TAFA4: variants seen among roughly 807,000 people sequenced by gnomAD.
TAFA4 encodes the protein chemokine-like protein TAFA-4.
TAFA4 carries 20 observed loss-of-function variants against 21.1 expected under a neutral mutation model. That is an observed-to-expected ratio of 0.95 (90% CI 0.67 to 1.38). The LOEUF is 1.38. TAFA4 is among the 40% of genes most tolerant of loss of function. The probability of loss-of-function intolerance (pLI) is 0.00; values close to 1 mark genes in which losing one functional copy is unlikely to be tolerated. For synonymous variants in TAFA4, 71 were observed against 67.4 expected (o/e 1.05, Z -0.26); for missense variants, 211 against 180.9 (o/e 1.17, Z -0.95).
At chr3:68,807,774 A>G (rs879670838) in intron 3 of TAFA4, among the ~76,000 whole-genome samples, 7 of 152,194 alleles carry the variant, frequency 4.6e-5, no homozygotes, top group Non-Finnish European at 8.8e-5. Flanking sequence ...TAGCTGCATC[A>G]CCTACATAAG....
chr3:68,887,319 T>C (rs1267339433), intron 1 of TAFA4, among the ~76,000 whole-genome samples: 6 of 152,202 alleles, frequency 3.9e-5, no homozygotes, highest in Admixed American at 6.5e-5. Flanking sequence ...AGGAATTAGG[T>C]TGCCAATGCC....
intron 3 of TAFA4, among the ~76,000 whole-genome samples, chr3:68,877,770 A>G (rs1461212818): frequency 1.3e-5 from 2 of 152,132 alleles, no homozygotes; most frequent in Non-Finnish European, 2.9e-5. Flanking sequence ...CTCTGACCAC[A>G]TCTACCTACC....
chr3:68,842,107 T>C (rs1704679405), intron 3 of TAFA4, among the ~76,000 whole-genome samples: 4 of 152,198 alleles, frequency 2.6e-5, no homozygotes, highest in Admixed American at 2.6e-4. Flanking sequence ...TTCTAGATCC[T>C]TGAGGAATTG....
intron 2 of TAFA4, chr3:68,883,241 G>T (rs1167556147): frequency 6.6e-6 from 1 of 152,254 alleles, no homozygotes; most frequent in Non-Finnish European, 1.5e-5. Flanking sequence ...CCATTTTCTT[G>T]GGACTCTCTG....
At chr3:68,892,917 A>G (rs1417164933) in intron 1 of TAFA4, among the ~76,000 whole-genome samples, 1 of 152,208 alleles carries the variant, frequency 6.6e-6, no homozygotes, top group Non-Finnish European at 1.5e-5. Flanking sequence ...AGTTACATAA[A>G]ATAAAATGCG....
chr3:68,768,229 C>T lies in TAFA4; in HGVS notation c.131-15211G>A, dbSNP rs894448242. On this transcript the variant is annotated intron_variant, in intron 3 of 5. Transcript: ENST00000295569. ...CATACATCTGATAAGGGGTAAGATC[C>T]AGAATATATAAGAAACTCAACTCAA... 1.1e-3 allele frequency among the ~76,000 whole-genome samples: 174 copies of T among 152,062 alleles called. 2 individuals are homozygous for T. Among genetic ancestry groups the T allele is most frequent in the East Asian group, 9.7e-4 (5 of 5,162 alleles).
intron 1 of TAFA4, among the ~76,000 whole-genome samples, chr3:68,917,188 C>T (rs1220373899): frequency 2.0e-5 from 3 of 152,190 alleles, no homozygotes; most frequent in African/African-American, 4.8e-5. Flanking sequence ...TCCACCCCAA[C>T]CTCTTGGAGG....
intron 1 of TAFA4, among the ~76,000 whole-genome samples, chr3:68,910,911 TTAAG>T (rs2089955557): frequency 6.6e-6 from 1 of 152,248 alleles, no homozygotes; most frequent in African/African-American, 2.4e-5. Context: ...TGGTACTTAA[TTAAG>T]TGCTTGATAA....
chr3:68,852,892 A>G (rs970391986), intron 3 of TAFA4, among the ~76,000 whole-genome samples: 4 of 152,172 alleles, frequency 2.6e-5, no homozygotes, highest in African/African-American at 9.7e-5. Context: ...AGAAAAAGAA[A>G]ATCTACCTCA....
At chr3:68,911,442 C>T (rs559509464) in intron 1 of TAFA4, among the ~76,000 whole-genome samples, 4 of 152,348 alleles carry the variant, frequency 2.6e-5, no homozygotes, top group Non-Finnish European at 4.4e-5. Context: ...AGGTCCCATG[C>T]TAGCTCATTT....
At chr3:68,802,216 C>T (rs1322171076) in intron 3 of TAFA4, among the ~76,000 whole-genome samples, 4 of 152,146 alleles carry the variant, frequency 2.6e-5, no homozygotes, top group African/African-American at 9.7e-5. Flanking sequence ...CTCTAATTGA[C>T]ATTTTATAAA....
intron 3 of TAFA4, among the ~76,000 whole-genome samples, chr3:68,809,155 C>G (rs1226113332): frequency 6.6e-6 from 1 of 152,180 alleles, no homozygotes; most frequent in African/African-American, 2.4e-5. Flanking sequence ...CCCTTTTACC[C>G]TAGAACACAG....
At chr3:68,811,674 T>A (rs936234110) in intron 3 of TAFA4, among the ~76,000 whole-genome samples, 7 of 152,126 alleles carry the variant, frequency 4.6e-5, no homozygotes, top group African/African-American at 9.7e-5. Context: ...TGGGACTATG[T>A]GAAAAGACCA....
intron 3 of TAFA4, among the ~76,000 whole-genome samples, chr3:68,864,065 G>A (rs149080143): frequency 0.015 from 2,344 of 151,706 alleles, 60 homozygotes; most frequent in African/African-American, 0.054. Flanking sequence ...CTAAGACACC[G>A]AAAGTAAAAT....
At chr3:68,792,902 C>T (rs796820296) in intron 3 of TAFA4, among the ~76,000 whole-genome samples, 4 of 151,898 alleles carry the variant, frequency 2.6e-5, no homozygotes, top group African/African-American at 9.7e-5. Flanking sequence ...GAGTTTGATA[C>T]TTTCATATTT....
intron 3 of TAFA4, among the ~76,000 whole-genome samples, chr3:68,848,381 T>TA (rs1054603689): frequency 1.2e-4 from 19 of 152,216 alleles, no homozygotes; most frequent in Non-Finnish European, 2.2e-4. Flanking sequence ...TATCAACGAA[T>TA]AAAAAATGAT....
At chr3:68,751,802 G>C (rs1224540017) in intron 4 of TAFA4, among the ~76,000 whole-genome samples, 1 of 152,050 alleles carries the variant, frequency 6.6e-6, no homozygotes, top group Non-Finnish European at 1.5e-5. Context: ...GAGTACAGTA[G>C]GTCTGTAAGG....
chr3:68,743,603 T>G (rs1702399151), intron 4 of TAFA4, among the ~76,000 whole-genome samples: 3 of 151,630 alleles, frequency 2.0e-5, no homozygotes, highest in South Asian at 4.2e-4. Context: ...AAAGTTAAGT[T>G]ATATTCTTTG....
intron 3 of TAFA4, among the ~76,000 whole-genome samples, chr3:68,863,112 C>T: frequency 6.6e-6 from 1 of 151,096 alleles, no homozygotes; most frequent in South Asian, 2.1e-4. Flanking sequence ...GTGGTACGTG[C>T]CCATAGTCCC....
Sources: allele counts gnomAD v4.1 joint callset (sites outside exome capture counted in the v4.1 genomes callset), GRCh38; gene constraint gnomAD v4.1.1; transcripts MANE v1.5; gene names NCBI Gene and HGNC (gene_info 2026-07-23, HGNC 2026-07-21).